STOX2: variants seen among roughly 807,000 people sequenced by gnomAD.
STOX2 encodes the protein storkhead box 2.
In STOX2, 28 loss-of-function variants were observed where a neutral mutation model predicts 60.9. The observed-to-expected ratio is 0.46, with a 90% CI of 0.34 to 0.63. STOX2 has a LOEUF of 0.63. STOX2 is among the 30% of genes least tolerant of loss of function. The pLI, the probability that STOX2 is intolerant of heterozygous loss-of-function variation, is 0.01. For missense variants in STOX2, 1,024 were observed against 1,187.7 expected (o/e 0.86, Z 2.03); for synonymous variants, 472 against 463.9 (o/e 1.02, Z -0.22).
At chr4:183,941,307 C>T (rs1219880512) in intron 1 of STOX2, among the ~76,000 whole-genome samples, 1 of 152,304 alleles carries the variant, frequency 6.6e-6, no homozygotes, top group African/African-American at 2.4e-5. Context: ...GTGGCTCACA[C>T]CTGTAATCCC....
intron 1 of STOX2, among the ~76,000 whole-genome samples, chr4:183,983,894 C>T (rs369865217): frequency 6.6e-6 from 1 of 152,136 alleles, no homozygotes; most frequent in Non-Finnish European, 1.5e-5. Flanking sequence ...AAGTGATATT[C>T]CTGCCTCCCA....
chr4:183,992,575 C>T (rs964050854), intron 1 of STOX2, among the ~76,000 whole-genome samples: 4 of 152,202 alleles, frequency 2.6e-5, no homozygotes, highest in African/African-American at 4.8e-5. Flanking sequence ...AAAAGGAAGA[C>T]GTCATGTTCC....
chr4:183,808,789 T>C (rs568826034), intron 1 of STOX2, among the ~76,000 whole-genome samples: 5 of 152,306 alleles, frequency 3.3e-5, no homozygotes, highest in African/African-American at 1.2e-4. Flanking sequence ...TTCATTCTGT[T>C]AGATCAGGGG....
intron 1 of STOX2, among the ~76,000 whole-genome samples, chr4:183,909,104 G>A (rs902888042): frequency 1.3e-5 from 2 of 152,362 alleles, no homozygotes; most frequent in African/African-American, 4.8e-5. Context: ...CTACAATGAA[G>A]ATTGGGAGAG....
At chr4:183,864,637 A>G (rs1339522834) in intron 1 of STOX2, among the ~76,000 whole-genome samples, 1 of 152,052 alleles carries the variant, frequency 6.6e-6, no homozygotes, top group Non-Finnish European at 1.5e-5. Flanking sequence ...CAAGTGATCC[A>G]TGCACCTCTG....
At chr4:183,955,896 T>G (rs934935524) in intron 1 of STOX2, among the ~76,000 whole-genome samples, 6 of 152,208 alleles carry the variant, frequency 3.9e-5, no homozygotes, top group African/African-American at 1.4e-4. Flanking sequence ...GTTGGGCTTT[T>G]CTCTTGCGCC....
In STOX2 at chr4:183,856,821, A is replaced by G. The variant is rs1560848566; in HGVS notation, c.364+58766A>G. On this transcript the variant is annotated intron_variant, in intron 1 of 2. Coordinates refer to the STOX2 transcript ENST00000513034. This position sits in a 1 kb window ranked among gnomAD's most constrained non-coding sequence, Gnocchi z 4.0. ...CATATATATTAATGTGTGTAGCTTT[A>G]TTTTTTTTGACACTTACCCTATGGG... Among the ~76,000 whole-genome samples the G allele has an allele frequency of 6.6e-6, 1 of 151,948 alleles. No homozygotes were observed. The highest frequency in any genetic ancestry group is 1.9e-4 in the East Asian group (1 of 5,186).
At chr4:183,824,552 A>G (rs1012689680) in intron 1 of STOX2, among the ~76,000 whole-genome samples, 6 of 152,182 alleles carry the variant, frequency 3.9e-5, no homozygotes, top group African/African-American at 1.4e-4. Context: ...AAAGTATAAT[A>G]ATAATAAAAT....
At position 184,009,270 on chromosome 4, in the gene STOX2, T is replaced by C; in HGVS notation, c.432T>C (p.Tyr144=). The C allele has an allele frequency of 6.2e-7, 1 of 1,613,726 alleles. No homozygotes were observed. The highest frequency in any genetic ancestry group is 8.5e-7 in the Non-Finnish European group (1 of 1,179,808). Residue 144 remains tyrosine, a synonymous_variant, in exon 3 of 4, where the codon TAT becomes TAC. Coordinates refer to ENST00000308497, the MANE Select transcript of STOX2 (RefSeq NM_020225.3). This position sits in a 1 kb window ranked among gnomAD's most constrained non-coding sequence, Gnocchi z 4.0. ...DGYFIVTPQT[Y]FITPSLIRTN... ...ACTTCATCGTGACCCCACAGACTTA[T>C]TTCATAACTCCTTCCCTCATAAGAA...
chr4:183,860,254 G>T (rs1740399449), intron 1 of STOX2, among the ~76,000 whole-genome samples: 1 of 151,856 alleles, frequency 6.6e-6, no homozygotes. Flanking sequence ...ACTGGGTCCA[G>T]CCTCATCATT....
chr4:183,860,314 G>T (rs1047178020), intron 1 of STOX2, among the ~76,000 whole-genome samples: 11 of 151,924 alleles, frequency 7.2e-5, no homozygotes, highest in Non-Finnish European at 1.5e-4. Context: ...TGCCTAAAAT[G>T]ACGTAGCTAA....
At chr4:183,908,634 A>G (rs548573746) in intron 1 of STOX2, among the ~76,000 whole-genome samples, 2 of 136,316 alleles carry the variant, frequency 1.5e-5, no homozygotes, top group Admixed American at 8.0e-5. Flanking sequence ...GCATTACCTC[A>G]TTATCACATT....
At chr4:183,844,188 G>A (rs1456413677) in intron 1 of STOX2, among the ~76,000 whole-genome samples, 1 of 152,164 alleles carries the variant, frequency 6.6e-6, no homozygotes, top group East Asian at 1.9e-4. Context: ...GAGGATGGCA[G>A]TCATTTTCTT....
chr4:183,866,117 G>A (rs1054272881), intron 1 of STOX2, among the ~76,000 whole-genome samples: 1 of 152,158 alleles, frequency 6.6e-6, no homozygotes, highest in African/African-American at 2.4e-5. Flanking sequence ...TGTTTTCAAA[G>A]TTAATTTTAA....
intron 1 of STOX2, among the ~76,000 whole-genome samples, chr4:183,833,634 GT>G (rs112301632): frequency 0.012 from 1,715 of 142,470 alleles, 25 homozygotes; most frequent in African/African-American, 0.038. Flanking sequence ...TTCTGCAGGA[GT>G]TTTTTTTTTT....
At chr4:183,871,843 C>CA (rs562343993) in intron 1 of STOX2, among the ~76,000 whole-genome samples, 410 of 146,860 alleles carry the variant, frequency 2.8e-3, no homozygotes, top group African/African-American at 8.6e-3. Flanking sequence ...CATTCAATAC[C>CA]AAAAAAAAAA....
At chr4:183,800,288 A>G (rs1431112686) in intron 1 of STOX2, among the ~76,000 whole-genome samples, 1 of 152,062 alleles carries the variant, frequency 6.6e-6, no homozygotes, top group Non-Finnish European at 1.5e-5. Flanking sequence ...GAGTCACAAT[A>G]CACGTGATGA....
intron 1 of STOX2, among the ~76,000 whole-genome samples, chr4:183,933,316 A>T (rs1234211287): frequency 2.0e-5 from 3 of 152,232 alleles, no homozygotes; most frequent in African/African-American, 7.2e-5. Context: ...GGCTTTTCCT[A>T]AGCCTGTCTA....
At chr4:183,809,316 T>G (rs1426148372) in intron 1 of STOX2, among the ~76,000 whole-genome samples, 1 of 152,188 alleles carries the variant, frequency 6.6e-6, no homozygotes, top group Non-Finnish European at 1.5e-5. Flanking sequence ...TCTCGAACTC[T>G]TCCTCAAGTG....
Sources: gnomAD v4.1 joint callset for allele counts (sites outside exome capture counted in the v4.1 genomes callset) on GRCh38, gnomAD v4.1.1 for gene constraint, Gnocchi (gnomAD v3.1) non-coding constraint, MANE v1.5 for transcripts, NCBI Gene and HGNC (gene_info 2026-07-23, HGNC 2026-07-21) for gene names.